The following COL24A1 variants were observed in gnomAD, a reference collection of about 807,000 sequenced individuals.
The protein encoded by COL24A1 is collagen type XXIV alpha 1 chain, also known as collagen alpha-1(XXIV) chain.
COL24A1 carries 224 observed loss-of-function variants against 253.9 expected under a neutral mutation model. The observed-to-expected ratio is 0.88, with a 90% CI of 0.79 to 0.99. The LOEUF (loss-of-function observed/expected upper bound fraction) is 0.99, where lower values mean the gene tolerates loss of function less well. COL24A1 is among the 50% of genes least tolerant of loss of function. The pLI is 0.00. For missense variants in COL24A1, 2,131 were observed against 2,068.5 expected (o/e 1.03, Z -0.59); for synonymous variants, 685 against 673.7 (o/e 1.02, Z -0.26).
At chr1:85,833,410 A>T (rs1291189026) in intron 43 of COL24A1, among the ~76,000 whole-genome samples, 6 of 152,208 alleles carry the variant, frequency 3.9e-5, no homozygotes, top group East Asian at 3.9e-4. Context: ...TCAAAACCAC[A>T]ATGAGATACC....
intron 24 of COL24A1, among the ~76,000 whole-genome samples, chr1:85,922,839 G>T (rs1686686868): frequency 6.6e-6 from 1 of 152,094 alleles, no homozygotes; most frequent in Admixed American, 6.6e-5. Context: ...AATGTAAATG[G>T]GCTAAATGCC....
At chr1:85,877,938 T>A (rs1230463748) in intron 32 of COL24A1, among the ~76,000 whole-genome samples, 1 of 152,196 alleles carries the variant, frequency 6.6e-6, no homozygotes, top group Non-Finnish European at 1.5e-5. Flanking sequence ...CTGTACAGTT[T>A]TACCCCTCAA....
intron 5 of COL24A1, among the ~76,000 whole-genome samples, chr1:86,098,169 T>C (rs1704150766): frequency 6.6e-6 from 1 of 152,182 alleles, no homozygotes; most frequent in African/African-American, 2.4e-5. Context: ...CTAGTCTGCA[T>C]GGAGTGACTA....
intron 3 of COL24A1, among the ~76,000 whole-genome samples, 164 bp from the exon 4 acceptor site, chr1:86,115,542 G>T (rs553677718): frequency 1.3e-5 from 2 of 152,312 alleles, no homozygotes; most frequent in South Asian, 2.1e-4. Flanking sequence ...ATCAGCAGGG[G>T]TGAGTTGAAA....
chr1:85,762,534 AAT>A (rs1666941813), intron 53 of COL24A1, among the ~76,000 whole-genome samples: 1 of 152,218 alleles, frequency 6.6e-6, no homozygotes, highest in Non-Finnish European at 1.5e-5. Context: ...AGTTAATTTT[AAT>A]ACTAGTCAAA....
rs77698789 is a variant in COL24A1 at position 86,113,051 on chromosome 1, C to G, written c.1546-431G>C. ...TGAAAAGAGACTCTTAAAAATATTA[C>G]TAGTGTAGCACTTAACACATTGAAT... On this transcript the variant is annotated intron_variant, in intron 4 of 59. Transcript: ENST00000370571. Among the ~76,000 whole-genome samples, 793 of 152,308 alleles carry G rather than the reference C, an allele frequency of 5.2e-3. 14 individuals carry two copies. The East Asian group carries it at 0.065, about 12-fold the overall frequency.
At chr1:85,847,540 A>C (rs878988356) in intron 39 of COL24A1, 125 bp downstream of exon 39, 1 of 637,838 alleles carries the variant, frequency 1.6e-6, no homozygotes, top group Non-Finnish European at 2.8e-6. Context: ...CCATGGAGGT[A>C]GATTATTTTC....
intron 55 of COL24A1, among the ~76,000 whole-genome samples, chr1:85,747,361 G>A (rs1048121734): frequency 4.0e-5 from 6 of 151,756 alleles, no homozygotes; most frequent in Non-Finnish European, 7.4e-5. Flanking sequence ...TGATCTGCCC[G>A]CCTTGGCCTC....
At chr1:85,979,596 A>C (rs1470939827) in intron 20 of COL24A1, among the ~76,000 whole-genome samples, 1 of 152,082 alleles carries the variant, frequency 6.6e-6, no homozygotes, top group Non-Finnish European at 1.5e-5. Context: ...GAGATGTATA[A>C]ATTTCTGGAA....
intron 27 of COL24A1, among the ~76,000 whole-genome samples, 162 bp downstream of exon 27, chr1:85,908,436 T>A (rs1228034819): frequency 2.6e-5 from 4 of 151,778 alleles, no homozygotes; most frequent in African/African-American, 9.7e-5. Flanking sequence ...CAAGATATCA[T>A]GACAAATTCA....
At chr1:85,787,856 A>G (rs1669845992) in intron 47 of COL24A1, among the ~76,000 whole-genome samples, 1 of 152,150 alleles carries the variant, frequency 6.6e-6, no homozygotes, top group South Asian at 2.1e-4. Flanking sequence ...CAACAGTGTA[A>G]AAGTGTTCCT....
chr1:85,929,863 T>A (rs1309873123), intron 24 of COL24A1, among the ~76,000 whole-genome samples: 3 of 146,668 alleles, frequency 2.0e-5, no homozygotes, highest in African/African-American at 7.6e-5. Context: ...AAGGCAGAAA[T>A]AAAGATGTTC....
At chr1:85,911,345 C>G in intron 25 of COL24A1, 35 bp downstream of exon 25, 1 of 1,554,466 alleles carries the variant, frequency 6.4e-7, no homozygotes, top group African/African-American at 1.4e-5. Context: ...GCCTAGATTT[C>G]TTCCTATAAA....
At chr1:85,924,231 T>C (rs1686908375) in intron 24 of COL24A1, among the ~76,000 whole-genome samples, 2 of 152,220 alleles carry the variant, frequency 1.3e-5, no homozygotes, top group African/African-American at 2.4e-5. Flanking sequence ...AGCCAAATTC[T>C]ACCAGAGGTA....
chr1:86,134,515 T>C (rs1649890165), intron 2 of COL24A1, among the ~76,000 whole-genome samples: 1 of 144,976 alleles, frequency 6.9e-6, no homozygotes, highest in Non-Finnish European at 1.5e-5. Flanking sequence ...TACACACTGC[T>C]TTGAATGTGT....
At chr1:86,099,015 T>C (rs1240461055) in intron 5 of COL24A1, among the ~76,000 whole-genome samples, 1 of 152,148 alleles carries the variant, frequency 6.6e-6, no homozygotes, top group African/African-American at 2.4e-5. Flanking sequence ...CACAATCTTT[T>C]GAAGTATATG....
At chr1:85,827,317 A>T (rs952706618) in intron 43 of COL24A1, among the ~76,000 whole-genome samples, 8 of 151,472 alleles carry the variant, frequency 5.3e-5, no homozygotes, top group South Asian at 2.1e-4. Flanking sequence ...GTGCTGCTGG[A>T]TTCAGTTTGC....
At chr1:86,156,020 A>T in intron 1 of COL24A1, 1 of 265,976 alleles carries the variant, frequency 3.8e-6, no homozygotes, top group Non-Finnish European at 7.0e-6. Context: ...CTGGAGCCAG[A>T]GAGATCGTCG....
At position 86,046,774 on chromosome 1, in the gene COL24A1, AC is replaced by A. The variant is rs757851433; in HGVS notation, c.1950+50del. On this transcript the variant is annotated intron_variant, in intron 12 of 59. Transcript: ENST00000370571. Reference sequence around the variant, plus strand: ...ACATTTTAATAAGTAAGAACACATAACCAGGTTATATTGCTGTAAAATAAAC... The same window carrying A: ...ACATTTTAATAAGTAAGAACACATAACAGGTTATATTGCTGTAAAATAAAC... 4 of 1,597,644 alleles carry A rather than the reference AC, an allele frequency of 2.5e-6. No homozygotes were observed. The African/African-American group carries it at 5.4e-5, about 22-fold the overall frequency.
Sources: allele counts gnomAD v4.1 joint callset (sites outside exome capture counted in the v4.1 genomes callset), GRCh38; gene constraint gnomAD v4.1.1; transcripts MANE v1.5; gene names NCBI Gene and HGNC (gene_info 2026-07-23, HGNC 2026-07-21).